ARRB1: variants seen among roughly 807,000 people sequenced by gnomAD.
ARRB1 encodes the protein beta-arrestin-1.
Under a neutral mutation model 56.8 loss-of-function variants are expected in ARRB1, and 21 were observed. The ratio of observed to expected loss-of-function variants is 0.37; its 90% CI spans 0.26 to 0.53. The LOEUF (loss-of-function observed/expected upper bound fraction) is 0.53. ARRB1 is among the 20% of genes least tolerant of loss of function. The pLI is 0.88. For missense variants in ARRB1, 424 were observed against 553.7 expected (o/e 0.77, Z 2.35); for synonymous variants, 210 against 218.6 (o/e 0.96, Z 0.35).
At chr11:75,331,859 T>G (rs1342390446) in intron 1 of ARRB1, among the ~76,000 whole-genome samples, 1 of 152,060 alleles carries the variant, frequency 6.6e-6, no homozygotes, top group Non-Finnish European at 1.5e-5. Flanking sequence ...GACTCTGGCA[T>G]AACATTACTG....
chr11:75,304,809 A>G (rs1946984471), intron 1 of ARRB1, among the ~76,000 whole-genome samples: 2 of 151,838 alleles, frequency 1.3e-5, no homozygotes, highest in South Asian at 4.2e-4. Flanking sequence ...CATGCCTGCA[A>G]TCCCAGCACT....
At chr11:75,339,700 G>A (rs1055568661) in intron 1 of ARRB1, among the ~76,000 whole-genome samples, 1 of 152,186 alleles carries the variant, frequency 6.6e-6, no homozygotes, top group African/African-American at 2.4e-5. Context: ...GGCAGCTGTT[G>A]AGATCATCTA....
At chr11:75,270,300 G>A (rs1310474365) in intron 13 of ARRB1, among the ~76,000 whole-genome samples, 1 of 152,128 alleles carries the variant, frequency 6.6e-6, no homozygotes, top group Non-Finnish European at 1.5e-5. Context: ...GGGCAACCTG[G>A]TGAGACACTG....
In ARRB1 at chr11:75,269,719, A is replaced by G. The variant is rs1946031106; in HGVS notation, c.1023-760T>C. 2.6e-5 allele frequency among the ~76,000 whole-genome samples: 4 copies of G among 152,224 alleles called. No homozygotes were observed. The South Asian group carries it at 8.3e-4, about 32-fold the overall frequency. The stretch of plus-strand genomic sequence containing the variant: ...ATTTAATCCTCGCAACAACCATATT[A>G]TTATCCCCAATGTACAGACTGGGAC... On this transcript the variant is annotated intron_variant, in intron 13 of 15. Transcript: ENST00000420843.
At chr11:75,303,429 G>A (rs2140466887) in intron 1 of ARRB1, among the ~76,000 whole-genome samples, 1 of 152,226 alleles carries the variant, frequency 6.6e-6, no homozygotes, top group Non-Finnish European at 1.5e-5. Flanking sequence ...CACAGTCCCA[G>A]CGTCACCTCA....
At chr11:75,338,559 G>T (rs1488004287) in intron 1 of ARRB1, among the ~76,000 whole-genome samples, 1 of 152,154 alleles carries the variant, frequency 6.6e-6, no homozygotes, top group Non-Finnish European at 1.5e-5. Flanking sequence ...TGTACACTGG[G>T]TCAGGGCTCA....
At chr11:75,304,401 A>C (rs1946973655) in intron 1 of ARRB1, among the ~76,000 whole-genome samples, 1 of 152,042 alleles carries the variant, frequency 6.6e-6, no homozygotes, top group Admixed American at 6.6e-5. Context: ...TCTAAGGCCT[A>C]AGGTGCCAGC....
At chr11:75,298,811 A>T (rs539648294) in intron 1 of ARRB1, among the ~76,000 whole-genome samples, 51 of 152,242 alleles carry the variant, frequency 3.3e-4, no homozygotes, top group Admixed American at 3.1e-3. Flanking sequence ...GTATTTTTTT[A>T]AAATTCAGTC....
intron 1 of ARRB1, among the ~76,000 whole-genome samples, chr11:75,344,926 G>A (rs1947743216): frequency 6.6e-6 from 1 of 152,178 alleles, no homozygotes; most frequent in Non-Finnish European, 1.5e-5. Flanking sequence ...CCTCATCCAG[G>A]CCCATACACG....
intron 1 of ARRB1, among the ~76,000 whole-genome samples, chr11:75,349,273 G>T (rs1831328891): frequency 1.3e-5 from 2 of 152,202 alleles, no homozygotes; most frequent in African/African-American, 4.8e-5. Context: ...CTCTTCCCCT[G>T]CCCAGTGAAG....
At chr11:75,296,206 AAG>A (rs1554976425) in intron 1 of ARRB1, among the ~76,000 whole-genome samples, 16 of 151,784 alleles carry the variant, frequency 1.1e-4, no homozygotes, top group South Asian at 6.2e-4. Context: ...AAAAAAAAAA[AAG>A]AGTATTATTT....
At chr11:75,303,475 T>G in intron 1 of ARRB1, 1 of 422,208 alleles carries the variant, frequency 2.4e-6, no homozygotes, top group Non-Finnish European at 4.8e-6. Flanking sequence ...TGGCTTAAAG[T>G]GCTCTTGCCC....
intron 1 of ARRB1, among the ~76,000 whole-genome samples, chr11:75,338,086 T>C (rs1340262860): frequency 6.6e-6 from 1 of 151,752 alleles, no homozygotes; most frequent in East Asian, 1.9e-4. Flanking sequence ...TGCAGCCAGG[T>C]TGTTAGCAGT....
intron 1 of ARRB1, among the ~76,000 whole-genome samples, chr11:75,308,941 G>A (rs923533383): frequency 6.6e-6 from 1 of 152,198 alleles, no homozygotes; most frequent in African/African-American, 2.4e-5. Flanking sequence ...TCATGTGCTA[G>A]GTACTTTAAA....
rs539631171 is a variant in ARRB1, at chr11:75,284,411, G to A, written c.113-132C>T. ...TCATCCTGAGAAAAATGGAAAGGCGGGCACCTAGAGGGTGGCACTGCCCAC... is the reference window on the plus strand; with the variant it reads ...TCATCCTGAGAAAAATGGAAAGGCGAGCACCTAGAGGGTGGCACTGCCCAC... On this transcript the variant is annotated intron_variant, in intron 3 of 15. Transcript: ENST00000420843. 31 of 888,228 alleles carry A rather than the reference G, an allele frequency of 3.5e-5. No individual in the cohort carries two copies. In the South Asian group the frequency reaches 6.6e-4, roughly 19 times the overall value. The allele number at this position is 888,228 out of a possible 1,614,324, so 55.0% of individuals were successfully genotyped here.
At chr11:75,307,925 C>T (rs1044382159) in intron 1 of ARRB1, among the ~76,000 whole-genome samples, 2 of 152,242 alleles carry the variant, frequency 1.3e-5, no homozygotes, top group African/African-American at 4.8e-5. Flanking sequence ...TGGGTATCCA[C>T]ACCTGGCTCT....
chr11:75,279,430 C>T (rs1946278574), intron 7 of ARRB1, among the ~76,000 whole-genome samples: 1 of 152,076 alleles, frequency 6.6e-6, no homozygotes, highest in Admixed American at 6.5e-5. Flanking sequence ...AAATGAGGAT[C>T]TGGTGAGGGA....
At position 75,308,310 on chromosome 11, in the gene ARRB1, C is replaced by A. The variant is rs935558259; in HGVS notation, c.21-18271G>T. 2.0e-5 allele frequency among the ~76,000 whole-genome samples: 3 copies of A among 152,188 alleles called. No individual in the cohort carries two copies. In the East Asian group the frequency reaches 5.8e-4, roughly 29 times the overall value. On this transcript the variant is annotated intron_variant, in intron 1 of 15. Coordinates refer to ENST00000420843, the MANE Select transcript of ARRB1 (RefSeq NM_004041.5). Reference sequence around the variant, plus strand: ...AGGCCACTGAGTAGAGCCAGGGAGTCGCTGAGCCAGCATTTGAAACCAGGC... The same window carrying A: ...AGGCCACTGAGTAGAGCCAGGGAGTAGCTGAGCCAGCATTTGAAACCAGGC...
At chr11:75,274,313 C>T in intron 10 of ARRB1, 102 bp from the exon 11 acceptor site, 1 of 1,509,244 alleles carries the variant, frequency 6.6e-7, no homozygotes. Flanking sequence ...TGCTCCAAGT[C>T]TCCCTCTCCC....
Sources: gnomAD v4.1 joint callset for allele counts (sites outside exome capture counted in the v4.1 genomes callset) on GRCh38, gnomAD v4.1.1 for gene constraint, MANE v1.5 for transcripts, NCBI Gene and HGNC (gene_info 2026-07-23, HGNC 2026-07-21) for gene names.